GTF2IRD1: variants seen among roughly 807,000 people sequenced by gnomAD.
GTF2IRD1 encodes the protein GTF2I repeat domain containing 1, also known as general transcription factor II-I repeat domain-containing protein 1.
Under a neutral mutation model 113.2 loss-of-function variants are expected in GTF2IRD1, and 26 were observed. The ratio of observed to expected loss-of-function variants is 0.23; its 90% CI spans 0.17 to 0.32. The LOEUF (loss-of-function observed/expected upper bound fraction) is 0.32. Ranked by LOEUF, GTF2IRD1 falls within the 10% of genes least tolerant of loss-of-function variation. GTF2IRD1 has a pLI of 1.00. For synonymous variants in GTF2IRD1, 484 were observed against 529.1 expected, an observed-to-expected ratio of 0.91 and a Z score of 1.17; for missense variants, 864 against 1,280.8, an observed-to-expected ratio of 0.67 and a Z score of 4.97.
intron 22 of GTF2IRD1, among the ~76,000 whole-genome samples, chr7:74,587,749 C>T (rs11978392): frequency 0.013 from 1,982 of 152,232 alleles, 45 homozygotes; most frequent in African/African-American, 0.046. Flanking sequence ...GCCCAACCCC[C>T]ACTCAGCCTT....
intron 1 of GTF2IRD1, among the ~76,000 whole-genome samples, chr7:74,490,030 C>T (rs1224965867): frequency 6.6e-6 from 1 of 152,016 alleles, no homozygotes; most frequent in East Asian, 1.9e-4. Flanking sequence ...TGCAGTGCTG[C>T]AGTCATAGCT....
At chr7:74,602,139 G>T in intron 26 of GTF2IRD1, 1 of 369,120 alleles carries the variant, frequency 2.7e-6, no homozygotes. Flanking sequence ...CTACTCGGGA[G>T]GCTGAGGCAG....
intron 1 of GTF2IRD1, among the ~76,000 whole-genome samples, chr7:74,491,151 C>G (rs1047029404): frequency 9.2e-5 from 14 of 151,834 alleles, no homozygotes; most frequent in African/African-American, 2.9e-4. Context: ...ACTAAAAATA[C>G]AAAAATTAGA....
chr7:74,503,681 G>A (rs932392656), intron 1 of GTF2IRD1, among the ~76,000 whole-genome samples: 3 of 150,762 alleles, frequency 2.0e-5, no homozygotes, highest in Admixed American at 1.3e-4. Flanking sequence ...CATGGGAGGC[G>A]GAGGCCGCAG....
chr7:74,486,670 C>T (rs1795045578), intron 1 of GTF2IRD1, among the ~76,000 whole-genome samples: 1 of 152,084 alleles, frequency 6.6e-6, no homozygotes, highest in Admixed American at 6.6e-5. Flanking sequence ...ATCTGTCTGC[C>T]TCACAATCCC....
At chr7:74,493,674 A>G (rs1795492077) in intron 1 of GTF2IRD1, among the ~76,000 whole-genome samples, 1 of 152,062 alleles carries the variant, frequency 6.6e-6, no homozygotes, top group Non-Finnish European at 1.5e-5. Flanking sequence ...AAGGAGACAA[A>G]TGGAAGATCC....
intron 22 of GTF2IRD1, among the ~76,000 whole-genome samples, chr7:74,576,676 A>G (rs777105198): frequency 1.7e-4 from 18 of 107,626 alleles, no homozygotes; most frequent in Non-Finnish European, 2.2e-4. Context: ...GCTGGAGTGC[A>G]GTGGCGCGAT....
chr7:74,459,053 G>A (rs1562763705), intron 1 of GTF2IRD1, among the ~76,000 whole-genome samples: 1 of 151,962 alleles, frequency 6.6e-6, no homozygotes, highest in East Asian at 1.9e-4. Flanking sequence ...CTTCTCTCTG[G>A]GCCAATCTGC....
intron 1 of GTF2IRD1, among the ~76,000 whole-genome samples, chr7:74,502,352 C>T (rs1412855986): frequency 8.5e-5 from 13 of 152,222 alleles, no homozygotes; most frequent in Non-Finnish European, 1.8e-4. Context: ...TGGGGTAAAT[C>T]GGTCAGAACC....
At position 74,555,560 on chromosome 7, in the gene GTF2IRD1, G is replaced by A. The variant is rs1799541602; in HGVS notation, c.2023+66G>A. The A allele has an allele frequency of 3.7e-6, 4 of 1,076,208 alleles. No individual in the cohort carries two copies. Among genetic ancestry groups the A allele is most frequent in the African/African-American group, 1.5e-5 (1 of 64,610 alleles). The allele number at this position is 1,076,208 out of a possible 1,614,324, so 66.7% of individuals were successfully genotyped here. A position where few individuals can be genotyped will look rare whatever the true frequency, so the allele number is the denominator to read the frequency against. On this transcript the variant is annotated intron_variant, in intron 19 of 26. Coordinates refer to ENST00000424337, the MANE Select transcript of GTF2IRD1 (RefSeq NM_005685.4). This position sits in a 1 kb window ranked among gnomAD's most constrained non-coding sequence, Gnocchi z 5.3. ...AGGACATTGACCTGGTTTGGGTTTG[G>A]AGGGCCAGGCTGGAAGTGGGGAGGA...
intron 25 of GTF2IRD1, among the ~76,000 whole-genome samples, chr7:74,600,626 G>A (rs587601385): frequency 2.6e-5 from 4 of 152,060 alleles, no homozygotes; most frequent in Non-Finnish European, 4.4e-5. Flanking sequence ...CACTAGAATC[G>A]CTTGAACCCA....
intron 1 of GTF2IRD1, among the ~76,000 whole-genome samples, chr7:74,493,398 A>G (rs188356204): frequency 6.6e-6 from 1 of 151,778 alleles, no homozygotes; most frequent in East Asian, 2.0e-4. Flanking sequence ...GGTATGAGCT[A>G]CCGCGCCCGG....
chr7:74,529,716 G>C lies in GTF2IRD1; in HGVS notation c.1091-18G>C, dbSNP rs782639147. On this transcript the variant is annotated intron_variant, in intron 8 of 26. Transcript: ENST00000424337. ...AGCCTGTCTAACACTCAGCCTTGCT[G>C]TTTGGTTGTCTTTCCAGCGGAAGCC... The C allele has an allele frequency of 1.9e-6, 3 of 1,613,074 alleles. No homozygotes were observed. Among genetic ancestry groups the C allele is most frequent in the Non-Finnish European group, 2.5e-6 (3 of 1,179,336 alleles).
chr7:74,574,455 ATT>A lies in GTF2IRD1; in HGVS notation c.2320+14820_2320+14821del, dbSNP rs369245593. Among the ~76,000 whole-genome samples, 231 of 128,148 alleles carry A rather than the reference ATT, an allele frequency of 1.8e-3. 3 individuals carry two copies. Among genetic ancestry groups the A allele is most frequent in the African/African-American group, 2.9e-3 (100 of 34,466 alleles). The allele number at this position is 128,148 out of a possible 152,430, so 84.1% of individuals were successfully genotyped here. ...CACTACACCGGGCCTAGATACTGGAATTTTTTTTTTTTTTTTTTTTTAAGGCA... is the reference window on the plus strand; with the variant it reads ...CACTACACCGGGCCTAGATACTGGAATTTTTTTTTTTTTTTTTTTAAGGCA... On this transcript the variant is annotated intron_variant, in intron 22 of 26. Coordinates refer to ENST00000424337, the MANE Select transcript of GTF2IRD1 (RefSeq NM_005685.4).
chr7:74,499,915 C>T (rs1201593415), intron 1 of GTF2IRD1, among the ~76,000 whole-genome samples: 1 of 152,056 alleles, frequency 6.6e-6, no homozygotes, highest in Non-Finnish European at 1.5e-5. Context: ...TCAATGAATG[C>T]ACACACACAG....
rs1799544076 is a variant in GTF2IRD1 at position 74,555,609 on chromosome 7, A to G, written c.2023+115A>G. The G allele has an allele frequency of 7.2e-6, 5 of 698,842 alleles. No homozygotes were observed. In the Admixed American group the frequency reaches 1.1e-4, roughly 15 times the overall value. The allele number at this position is 698,842 out of a possible 1,614,324, so 43.3% of individuals were successfully genotyped here. A position where few individuals can be genotyped will look rare whatever the true frequency, so the allele number is the denominator to read the frequency against. On this transcript the variant is annotated intron_variant, in intron 19 of 26. Transcript: ENST00000424337. This position sits in a 1 kb window ranked among gnomAD's most constrained non-coding sequence, Gnocchi z 5.3. ...GAGCTGGCCCCCAACTTCAGGGCCT[A>G]AGGGACCAGGCAAGCCAGGTTGGCA... is the stretch of plus-strand genomic sequence containing the variant.
At chr7:74,477,090 G>A (rs894098680) in intron 1 of GTF2IRD1, among the ~76,000 whole-genome samples, 13 of 152,194 alleles carry the variant, frequency 8.5e-5, no homozygotes, top group South Asian at 2.1e-4. Context: ...GGGGCTGGGC[G>A]TGGTGGATCG....
intron 14 of GTF2IRD1, among the ~76,000 whole-genome samples, chr7:74,540,531 A>G (rs1215548043): frequency 6.6e-6 from 1 of 151,882 alleles, no homozygotes; most frequent in Non-Finnish European, 1.5e-5. Flanking sequence ...ACAACTATTT[A>G]TTGAGCATCT....
chr7:74,559,101 C>T (rs1246774213), intron 21 of GTF2IRD1, 57 bp downstream of exon 21: 14 of 1,466,828 alleles, frequency 9.5e-6, no homozygotes, highest in African/African-American at 1.4e-5. Context: ...TGGGAGCTTG[C>T]ACCTGCGAAT....
Sources: allele counts gnomAD v4.1 joint callset (sites outside exome capture counted in the v4.1 genomes callset), GRCh38; gene constraint gnomAD v4.1.1; non-coding constraint Gnocchi (gnomAD v3.1); transcripts MANE v1.5; gene names NCBI Gene and HGNC (gene_info 2026-07-23, HGNC 2026-07-21).